CFAP54: variants seen among roughly 807,000 people sequenced by gnomAD.
CFAP54 encodes cilia- and flagella-associated protein 54.
A neutral mutation model predicts 370.4 loss-of-function variants in CFAP54; 290 were observed. The ratio of observed to expected loss-of-function variants is 0.78; its 90% CI spans 0.71 to 0.86. The LOEUF is 0.86. CFAP54 is among the 40% of genes least tolerant of loss of function. The pLI is 0.00. For synonymous variants in CFAP54, 1,206 were observed against 1,236.5 expected (o/e 0.98, Z 0.52); for missense variants, 3,399 against 3,528.7 (o/e 0.96, Z 0.93).
At chr12:96,642,275 A>T (rs1956739146) in intron 32 of CFAP54, among the ~76,000 whole-genome samples, 1 of 152,080 alleles carries the variant, frequency 6.6e-6, no homozygotes, top group South Asian at 2.1e-4. Flanking sequence ...CATCTTGTAC[A>T]CACCTTGTAC....
At chr12:96,826,684 A>G (rs1294989711) in intron 65 of CFAP54, among the ~76,000 whole-genome samples, 3 of 109,748 alleles carry the variant, frequency 2.7e-5, no homozygotes, top group Non-Finnish European at 3.3e-5. Flanking sequence ...AATATATAAT[A>G]TATTACATAT....
chr12:96,518,515 CCTCT>C (rs962462290), intron 5 of CFAP54, among the ~76,000 whole-genome samples: 2 of 152,044 alleles, frequency 1.3e-5, no homozygotes, highest in African/African-American at 4.8e-5. Context: ...GGTAAAACCC[CCTCT>C]CTACTAAAAT....
rs1954857574 is a variant in CFAP54, at chr12:96,489,870, G to A, written c.261G>A (p.Arg87=). ...KEIQELLGFM[R]KKKALATTEE... ...TCCAGGAGTTGTTAGGCTTTATGAG[G>A]AAAAAGAAGGCTTTAGCCACCACGG... is the stretch of plus-strand genomic sequence containing the variant. The change falls in exon 1 of 68, where the codon AGG becomes AGA. Residue 87 remains arginine (R), a synonymous_variant. Transcript: ENST00000524981. 1 of 1,535,590 alleles carries A rather than the reference G, an allele frequency of 6.5e-7. No individual in the cohort carries two copies. Among genetic ancestry groups the A allele is most frequent in the African/African-American group, 1.4e-5 (1 of 72,984 alleles).
At chr12:96,730,829 A>T (rs1731470934) in intron 50 of CFAP54, among the ~76,000 whole-genome samples, 1 of 152,234 alleles carries the variant, frequency 6.6e-6, no homozygotes, top group South Asian at 2.1e-4. Context: ...ATAAGCCTAC[A>T]AGCTTTGACT....
intron 66 of CFAP54, among the ~76,000 whole-genome samples, chr12:96,854,072 A>G (rs1959632134): frequency 6.6e-6 from 1 of 152,128 alleles, no homozygotes; most frequent in South Asian, 2.1e-4. Flanking sequence ...ATAGAGCACA[A>G]AAGAAAATAC....
intron 58 of CFAP54, among the ~76,000 whole-genome samples, chr12:96,761,911 T>C (rs1958343550): frequency 6.6e-6 from 1 of 152,228 alleles, no homozygotes; most frequent in South Asian, 2.1e-4. Context: ...TTTGAAATTG[T>C]AAAGTGCATG....
At chr12:96,854,226 T>G (rs1196617911) in intron 66 of CFAP54, among the ~76,000 whole-genome samples, 2 of 152,124 alleles carry the variant, frequency 1.3e-5, no homozygotes. Context: ...ACAACCATAA[T>G]AATCATGGTA....
intron 48 of CFAP54, among the ~76,000 whole-genome samples, chr12:96,716,535 T>C (rs1957681666): frequency 6.6e-6 from 1 of 152,216 alleles, no homozygotes; most frequent in African/African-American, 2.4e-5. Context: ...ACTGAGCCCC[T>C]GTAGAAGTCA....
chr12:96,872,822 T>G (rs1483498972), intron 67 of CFAP54, among the ~76,000 whole-genome samples: 2 of 152,146 alleles, frequency 1.3e-5, no homozygotes, highest in Admixed American at 6.5e-5. Context: ...TCTTCCCAGT[T>G]TTTCCAGAAC....
At chr12:96,811,676 T>A (rs946417765) in intron 63 of CFAP54, 60 bp from the exon 64 acceptor site, 11 of 874,470 alleles carry the variant, frequency 1.3e-5, no homozygotes, top group Non-Finnish European at 1.7e-5. Context: ...AATGCTGTAG[T>A]TTTTGAGCTA....
At chr12:96,856,058 A>G (rs1348370207) in intron 66 of CFAP54, among the ~76,000 whole-genome samples, 4 of 152,190 alleles carry the variant, frequency 2.6e-5, no homozygotes, top group African/African-American at 4.8e-5. Context: ...GGAAACTGCC[A>G]AGGCTTGGGG....
At position 96,782,654 on chromosome 12, in the gene CFAP54, A is replaced by G. The variant is rs1237488476; in HGVS notation, c.8282-2063A>G. Among the ~76,000 whole-genome samples the G allele has an allele frequency of 3.3e-5, 5 of 152,198 alleles. No homozygotes were observed. The East Asian group carries it at 7.7e-4, about 23-fold the overall frequency. ...GAAGACTCAGTATTGACAAATGCCA[A>G]GTATTCTAAAAATGATTGATAGATT... On this transcript the variant is annotated intron_variant, in intron 60 of 67. Coordinates refer to ENST00000524981, the MANE Select transcript of CFAP54 (RefSeq NM_001306084.2).
chr12:96,540,284 T>C (rs1045218474), intron 13 of CFAP54: 2 of 152,230 alleles, frequency 1.3e-5, no homozygotes, highest in Admixed American at 1.3e-4. Context: ...GTATTTTTAA[T>C]AGAGACAGGG....
chr12:96,622,037 C>G (rs1350622823), intron 27 of CFAP54, among the ~76,000 whole-genome samples: 1 of 151,578 alleles, frequency 6.6e-6, no homozygotes, highest in Admixed American at 6.6e-5. Flanking sequence ...CTTAAAAGCT[C>G]TCTAAAGTCT....
At chr12:96,644,441 T>C in intron 33 of CFAP54, 33 bp downstream of exon 33, 1 of 1,393,218 alleles carries the variant, frequency 7.2e-7, no homozygotes. Flanking sequence ...AATACTTTTT[T>C]AGTTTCATGA....
intron 55 of CFAP54, among the ~76,000 whole-genome samples, chr12:96,751,305 C>A (rs1396681102): frequency 6.6e-6 from 1 of 151,890 alleles, no homozygotes; most frequent in Non-Finnish European, 1.5e-5. Context: ...TCATCTCTGC[C>A]CTCAAGAAGC....
chr12:96,744,201 T>G (rs1484923879), intron 55 of CFAP54, 55 bp downstream of exon 55: 3 of 1,469,416 alleles, frequency 2.0e-6, no homozygotes, highest in African/African-American at 2.8e-5. Flanking sequence ...CTTTTTAAGT[T>G]ATTTTTAGGC....
intron 8 of CFAP54, 91 bp downstream of exon 8, chr12:96,522,280 T>C: frequency 2.3e-6 from 2 of 870,058 alleles, no homozygotes; most frequent in South Asian, 3.6e-5. Context: ...TCACTCATTA[T>C]TAAATTCTGC....
At chr12:96,621,893 T>G (rs1225968349) in intron 27 of CFAP54, among the ~76,000 whole-genome samples, 172 bp downstream of exon 27, 5 of 135,952 alleles carry the variant, frequency 3.7e-5, no homozygotes, top group East Asian at 2.2e-4. Flanking sequence ...TTTTTTTTTT[T>G]TTTTTTTTTT....
Sources: gnomAD v4.1 joint callset for allele counts (sites outside exome capture counted in the v4.1 genomes callset) on GRCh38, gnomAD v4.1.1 for gene constraint, MANE v1.5 for transcripts, NCBI Gene and HGNC (gene_info 2026-07-23, HGNC 2026-07-21) for gene names.